The following RRH variants were observed in gnomAD, a reference collection of about 807,000 sequenced individuals.
RRH encodes visual pigment-like receptor peropsin.
RRH carries 36 observed loss-of-function variants against 33.1 expected under a neutral mutation model. The ratio of observed to expected loss-of-function variants is 1.09; its 90% CI spans 0.83 to 1.44. The LOEUF is 1.44. Ranked by LOEUF, RRH falls within the 40% of genes most tolerant of loss-of-function variation. RRH has a pLI of 0.00. For synonymous variants in RRH, 124 were observed against 140.2 expected, an observed-to-expected ratio of 0.88 and a Z score of 0.82; for missense variants, 393 against 420.2, an observed-to-expected ratio of 0.94 and a Z score of 0.57.
At chr4:109,834,240 A>G (rs961952541) in intron 2 of RRH, among the ~76,000 whole-genome samples, 5 of 151,842 alleles carry the variant, frequency 3.3e-5, no homozygotes, top group Admixed American at 1.3e-4. Flanking sequence ...CTGCTATATA[A>G]TATTCCATTT....
Position 109,842,664 on chromosome 4 carries a change from ATGCT to A in RRH, c.899+21_899+24del. The A allele has an allele frequency of 1.3e-6, 2 of 1,594,820 alleles. No individual in the cohort carries two copies. Among genetic ancestry groups the A allele is most frequent in the Non-Finnish European group, 1.7e-6 (2 of 1,162,440 alleles). On this transcript the variant is annotated intron_variant, in intron 6 of 6. Coordinates refer to ENST00000317735, the MANE Select transcript of RRH (RefSeq NM_006583.5). ...TAATAAAAAGTAAGTAATGTCTAAA[ATGCT>A]TGCAGTACAAAATAAAACTGATATA...
At chr4:109,834,034 T>C (rs1426457385) in intron 2 of RRH, among the ~76,000 whole-genome samples, 1 of 152,216 alleles carries the variant, frequency 6.6e-6, no homozygotes, top group African/African-American at 2.4e-5. Flanking sequence ...CCGCATGCCA[T>C]CTTCAATCTT....
chr4:109,834,360 C>T (rs1340085208), intron 2 of RRH, among the ~76,000 whole-genome samples: 19 of 146,036 alleles, frequency 1.3e-4, no homozygotes, highest in African/African-American at 4.3e-4. Flanking sequence ...GATGGAGTCA[C>T]GCTCCGTTGC....
rs36127904 is a variant in RRH, at chr4:109,832,495, AGTGTGTGT to A, written c.107-613_107-606del. Among the ~76,000 whole-genome samples, 327 of 134,992 alleles carry A rather than the reference AGTGTGTGT, an allele frequency of 2.4e-3. 2 individuals carry two copies. The highest frequency in any genetic ancestry group is 3.6e-3 in the South Asian group (14 of 3,912). 88.6% of individuals were successfully genotyped at this position (134,992 alleles called of 152,430 possible). A position where few individuals can be genotyped will look rare whatever the true frequency, so the allele number is the denominator to read the frequency against. On this transcript the variant is annotated intron_variant, in intron 1 of 6. Transcript: ENST00000317735. ...GTAGTATGCATTCTTCTATTGGGGT[AGTGTGTGT>A]GTGTGTGTGTGTGTGTGTGTGTGTG...
chr4:109,830,736 A>C (rs1733731110), intron 1 of RRH, among the ~76,000 whole-genome samples: 1 of 152,160 alleles, frequency 6.6e-6, no homozygotes, highest in Non-Finnish European at 1.5e-5. Context: ...GAAATTACTC[A>C]GAGTATGTGT....
chr4:109,834,400 G>A (rs1170321633), intron 2 of RRH, among the ~76,000 whole-genome samples: 12 of 146,668 alleles, frequency 8.2e-5, no homozygotes, highest in South Asian at 4.3e-4. Context: ...CGTGATCTCC[G>A]CTCACTGCAA....
At chr4:109,842,226 T>C (rs529154533) in intron 5 of RRH, among the ~76,000 whole-genome samples, 28 of 152,140 alleles carry the variant, frequency 1.8e-4, no homozygotes, top group Non-Finnish European at 3.7e-4. Context: ...TGTGTACCAT[T>C]CTTAAAAGCA....
chr4:109,844,004 A>G (rs1734031663), intron 6 of RRH, 79 bp from the exon 7 acceptor site: 1 of 919,004 alleles, frequency 1.1e-6, no homozygotes, highest in East Asian at 2.5e-5. Flanking sequence ...CAGTAGTGGC[A>G]TCTTAGCCAT....
chr4:109,840,084 T>A (rs556607895), intron 5 of RRH, among the ~76,000 whole-genome samples: 2 of 152,294 alleles, frequency 1.3e-5, no homozygotes, highest in Non-Finnish European at 2.9e-5. Context: ...TATACTCCCA[T>A]CAAGAGTGTA....
chr4:109,834,699 CCTT>C (rs1224212968), intron 2 of RRH, among the ~76,000 whole-genome samples: 1 of 151,824 alleles, frequency 6.6e-6, no homozygotes, highest in Non-Finnish European at 1.5e-5. Flanking sequence ...ACATATGTCT[CCTT>C]CTGCAATATG....
At chr4:109,835,319 T>C (rs1449379445) in intron 2 of RRH, 47 bp from the exon 3 acceptor site, 1 of 1,266,276 alleles carries the variant, frequency 7.9e-7, no homozygotes, top group Non-Finnish European at 1.2e-6. Flanking sequence ...TAATGTTTCT[T>C]GGGAGGGTGT....
intron 5 of RRH, among the ~76,000 whole-genome samples, chr4:109,838,531 C>T (rs1356522565): frequency 5.3e-5 from 8 of 151,822 alleles, no homozygotes; most frequent in Non-Finnish European, 1.0e-4. Flanking sequence ...TAGTTTATTT[C>T]CTCTGATTTG....
At chr4:109,832,847 G>C (rs1038489518) in intron 1 of RRH, among the ~76,000 whole-genome samples, 11 of 152,146 alleles carry the variant, frequency 7.2e-5, no homozygotes, top group African/African-American at 2.7e-4. Context: ...TGGTATGAAA[G>C]CCAATGAAGG....
chr4:109,833,889 A>G (rs143550590), intron 2 of RRH, among the ~76,000 whole-genome samples: 3 of 152,374 alleles, frequency 2.0e-5, no homozygotes, highest in African/African-American at 4.8e-5. Context: ...AGAGAATAAA[A>G]TGAAAGTAGT....
At chr4:109,830,884 A>G (rs968476319) in intron 1 of RRH, among the ~76,000 whole-genome samples, 7 of 152,192 alleles carry the variant, frequency 4.6e-5, no homozygotes, top group Non-Finnish European at 1.0e-4. Flanking sequence ...CACGGAAGAC[A>G]AGAAGGAAAA....
chr4:109,832,838 G>A, intron 1 of RRH, among the ~76,000 whole-genome samples: 1 of 152,070 alleles, frequency 6.6e-6, no homozygotes, highest in East Asian at 1.9e-4. Flanking sequence ...CAGTAGGAAT[G>A]GTATGAAAGC....
At chr4:109,842,708 A>T in intron 6 of RRH, 61 bp downstream of exon 6, 1 of 1,455,518 alleles carries the variant, frequency 6.9e-7, no homozygotes, top group Non-Finnish European at 9.6e-7. Flanking sequence ...GAATGTTAAG[A>T]CTTCTTGGGA....
chr4:109,844,024 T>C (rs1275050737), intron 6 of RRH, 59 bp from the exon 7 acceptor site: 1 of 1,126,316 alleles, frequency 8.9e-7, no homozygotes, highest in African/African-American at 1.5e-5. Flanking sequence ...TATTTGAAAA[T>C]GCTTTAGAAG....
At chr4:109,842,320 G>A (rs530865624) in intron 5 of RRH, 149 bp from the exon 6 acceptor site, 7 of 699,794 alleles carry the variant, frequency 1.0e-5, no homozygotes, top group South Asian at 9.7e-5. Context: ...AACATTGAAG[G>A]CAGAAAAAAA....
Sources: gnomAD v4.1 joint callset for allele counts (sites outside exome capture counted in the v4.1 genomes callset) on GRCh38, gnomAD v4.1.1 for gene constraint, MANE v1.5 for transcripts, NCBI Gene and HGNC (gene_info 2026-07-23, HGNC 2026-07-21) for gene names.